LRRC20: variants seen among roughly 807,000 people sequenced by gnomAD.
The protein encoded by LRRC20 is leucine rich repeat containing 20.
A neutral mutation model predicts 14.4 loss-of-function variants in LRRC20; 11 were observed. That is an observed-to-expected ratio of 0.77 (90% CI 0.48 to 1.27). The LOEUF (loss-of-function observed/expected upper bound fraction) is 1.27, where lower values mean the gene tolerates loss of function less well. Ranked by LOEUF, LRRC20 falls within the 50% of genes most tolerant of loss-of-function variation. The pLI, the probability that LRRC20 is intolerant of heterozygous loss-of-function variation, is 0.00. For synonymous variants in LRRC20, 121 were observed against 107.3 expected, an observed-to-expected ratio of 1.13 and a Z score of -0.79; for missense variants, 219 against 251.2, an observed-to-expected ratio of 0.87 and a Z score of 0.87.
intron 4 of LRRC20, among the ~76,000 whole-genome samples, chr10:70,315,457 A>T (rs1259695174): frequency 6.6e-6 from 1 of 152,230 alleles, no homozygotes; most frequent in African/African-American, 2.4e-5. Flanking sequence ...AAAGTCACAC[A>T]GCACAAGATC....
chr10:70,314,434 C>T (rs1029535490), intron 4 of LRRC20, among the ~76,000 whole-genome samples: 30 of 152,194 alleles, frequency 2.0e-4, no homozygotes, highest in African/African-American at 6.3e-4. Context: ...CTCTCCCATC[C>T]TCTGGCTTGG....
Position 70,323,999 on chromosome 10 carries a change from G to A in LRRC20, c.264C>T (p.Arg88=), listed in dbSNP as rs1161864226. ...ELHLEGNFLH[R]LPSEVSALQH... ...GCAGGGCACTGACCTCGCTGGGGAG[G>A]CGGTGTAGGAAGTTCCCCTCCAGGT... Residue 88 remains arginine (R), a synonymous_variant, in exon 4 of 5, where the codon CGC becomes CGT. Transcript: ENST00000446961. The A allele has an allele frequency of 6.2e-7, 1 of 1,614,180 alleles. No homozygotes were observed. Among genetic ancestry groups the A allele is most frequent in the Non-Finnish European group, 8.5e-7 (1 of 1,180,030 alleles).
intron 4 of LRRC20, 146 bp downstream of exon 4, chr10:70,323,717 C>T (rs774316023): frequency 1.1e-5 from 10 of 891,628 alleles, no homozygotes; most frequent in Non-Finnish European, 1.7e-5. Flanking sequence ...AAATGTCTAC[C>T]TTCCCAGGCC....
intron 3 of LRRC20, among the ~76,000 whole-genome samples, chr10:70,339,704 C>A (rs761841571): frequency 2.0e-5 from 3 of 152,206 alleles, no homozygotes; most frequent in Non-Finnish European, 4.4e-5. Context: ...AGCAGTCAGG[C>A]CACACTGCTT....
In LRRC20 at chr10:70,333,252, C is replaced by T. The variant is rs375722472; in HGVS notation, c.232+7301G>A. Among the ~76,000 whole-genome samples the T allele has an allele frequency of 3.3e-5, 5 of 152,142 alleles. No homozygotes were observed. In the East Asian group the frequency reaches 7.7e-4, roughly 23 times the overall value. On this transcript the variant is annotated intron_variant, in intron 3 of 4. Transcript: ENST00000446961. ...CCTGGTGTTCCAGGTGTACCCTCCT[C>T]CCCCAACACACTGTACAGAATTCTG...
intron 2 of LRRC20, among the ~76,000 whole-genome samples, chr10:70,352,280 T>C (rs1334552364): frequency 1.3e-5 from 2 of 152,206 alleles, no homozygotes; most frequent in African/African-American, 4.8e-5. Context: ...ACCAATACTT[T>C]AGAATTTTGG....
intron 2 of LRRC20, among the ~76,000 whole-genome samples, chr10:70,342,202 C>T (rs1023956721): frequency 1.3e-5 from 2 of 151,824 alleles, no homozygotes; most frequent in African/African-American, 2.4e-5. Flanking sequence ...CCCAACTACT[C>T]GGGAGGCTGA....
chr10:70,370,471 A>C (rs1306712260), intron 2 of LRRC20, among the ~76,000 whole-genome samples: 1 of 152,186 alleles, frequency 6.6e-6, no homozygotes, highest in Non-Finnish European at 1.5e-5. Flanking sequence ...CAGAAAAAGC[A>C]GGCCAGGCAT....
chr10:70,320,636 C>T (rs1842041836), intron 4 of LRRC20, among the ~76,000 whole-genome samples: 1 of 152,260 alleles, frequency 6.6e-6, no homozygotes. Context: ...ACACCACGCC[C>T]GATGCTGGTG....
chr10:70,377,151 C>T (rs373509336), intron 1 of LRRC20, among the ~76,000 whole-genome samples: 1 of 152,148 alleles, frequency 6.6e-6, no homozygotes, highest in African/African-American at 2.4e-5. Context: ...CACGGACTGG[C>T]GGTGGGTGGT....
At position 70,334,735 on chromosome 10, in the gene LRRC20, T is replaced by A. The variant is rs115455348; in HGVS notation, c.232+5818A>T. Among the ~76,000 whole-genome samples, 1,451 of 152,038 alleles carry A rather than the reference T, an allele frequency of 9.5e-3. 22 individuals carry two copies. Among genetic ancestry groups the A allele is most frequent in the African/African-American group, 0.033 (1,378 of 41,458 alleles). ...CACACCCACCCCCAGGCACCAGGCA[T>A]GTAGGGCCCTTGGAGCAGGAAGACC... On this transcript the variant is annotated intron_variant, in intron 3 of 4. Coordinates refer to ENST00000446961, the MANE Select transcript of LRRC20 (RefSeq NM_001278212.2).
chr10:70,347,027 A>G (rs1283685580), intron 2 of LRRC20, among the ~76,000 whole-genome samples: 1 of 152,168 alleles, frequency 6.6e-6, no homozygotes, highest in East Asian at 1.9e-4. Flanking sequence ...CTGGGACTAC[A>G]GGTGCATGCC....
intron 2 of LRRC20, among the ~76,000 whole-genome samples, chr10:70,352,599 A>T (rs1398346304): frequency 6.6e-6 from 1 of 152,202 alleles, no homozygotes; most frequent in East Asian, 1.9e-4. Context: ...GCACCAACGT[A>T]GGTTCACCAA....
chr10:70,364,885 A>C (rs963596132), intron 2 of LRRC20, among the ~76,000 whole-genome samples: 2 of 152,098 alleles, frequency 1.3e-5, no homozygotes, highest in Non-Finnish European at 2.9e-5. Flanking sequence ...CCACATGCAC[A>C]TCCAGAACCC....
chr10:70,349,143 A>G (rs199902924), intron 2 of LRRC20, among the ~76,000 whole-genome samples: 34,797 of 152,186 alleles, frequency 0.23, 4,197 homozygotes, highest in East Asian at 0.38. Flanking sequence ...GACAGTATAT[A>G]GTTCACCAAG....
chr10:70,315,727 C>T (rs1309385044), intron 4 of LRRC20, among the ~76,000 whole-genome samples: 1 of 152,210 alleles, frequency 6.6e-6, no homozygotes, highest in East Asian at 1.9e-4. Context: ...CATGACCTCA[C>T]CCTGCTCTTT....
At chr10:70,349,815 C>T (rs12219152) in intron 2 of LRRC20, among the ~76,000 whole-genome samples, 5,653 of 152,174 alleles carry the variant, frequency 0.037, 159 homozygotes, top group East Asian at 0.094. Flanking sequence ...AGTAGGGTGA[C>T]GAGTAGGGCA....
At chr10:70,306,150 G>A (rs79935802) in intron 4 of LRRC20, among the ~76,000 whole-genome samples, 7,034 of 147,612 alleles carry the variant, frequency 0.048, 237 homozygotes, top group Non-Finnish European at 0.069. Context: ...ACACACACAC[G>A]CTTTTTTTCT....
intron 2 of LRRC20, among the ~76,000 whole-genome samples, chr10:70,363,651 A>T (rs1843842240): frequency 6.6e-6 from 1 of 152,224 alleles, no homozygotes; most frequent in South Asian, 2.1e-4. Flanking sequence ...CAAAGGTGTC[A>T]AGACAGAGAA....
Sources: allele counts gnomAD v4.1 joint callset (sites outside exome capture counted in the v4.1 genomes callset), GRCh38; gene constraint gnomAD v4.1.1; transcripts MANE v1.5; gene names NCBI Gene and HGNC (gene_info 2026-07-23, HGNC 2026-07-21).